The following OSBPL9 variants were observed in gnomAD, a reference collection of about 807,000 sequenced individuals.
OSBPL9 encodes the protein oxysterol-binding protein-related protein 9.
Under a neutral mutation model 106.6 loss-of-function variants are expected in OSBPL9, and 40 were observed. That is an observed-to-expected ratio of 0.38 (90% CI 0.29 to 0.49). The LOEUF is 0.49. Ranked by LOEUF, OSBPL9 falls within the 20% of genes least tolerant of loss-of-function variation. OSBPL9 has a pLI of 0.97. For missense variants in OSBPL9, 609 were observed against 887.2 expected (o/e 0.69, Z 3.98); for synonymous variants, 269 against 295.4 (o/e 0.91, Z 0.92).
chr1:51,753,510 G>C (rs1669701497), intron 8 of OSBPL9, among the ~76,000 whole-genome samples: 1 of 152,164 alleles, frequency 6.6e-6, no homozygotes, highest in South Asian at 2.1e-4. Context: ...ATTGAGTACT[G>C]ATGGAAATAT....
intron 4 of OSBPL9, among the ~76,000 whole-genome samples, chr1:51,725,859 C>T (rs1232385268): frequency 1.3e-5 from 2 of 152,110 alleles, no homozygotes; most frequent in African/African-American, 2.4e-5. Flanking sequence ...TTATATCTTT[C>T]AGACTTGTCT....
At chr1:51,611,844 G>A (rs1348784894) in intron 2 of OSBPL9, among the ~76,000 whole-genome samples, 5 of 152,070 alleles carry the variant, frequency 3.3e-5, no homozygotes, top group Admixed American at 1.3e-4. Flanking sequence ...GCGTGGTGGC[G>A]GGCGCCTGTA....
the OSBPL9 span, among the ~76,000 whole-genome samples, chr1:51,540,292 G>C: frequency 1.3e-5 from 2 of 151,838 alleles, no homozygotes; most frequent in African/African-American, 4.8e-5. Flanking sequence ...CCCTACTCCT[G>C]CCAAGATCAT....
intron 3 of OSBPL9, among the ~76,000 whole-genome samples, chr1:51,698,066 G>A (rs1335920221): frequency 2.6e-5 from 4 of 152,058 alleles, no homozygotes; most frequent in Admixed American, 1.3e-4. Flanking sequence ...TAAGGCCGAG[G>A]TACTGTTACC....
intron 1 of OSBPL9, among the ~76,000 whole-genome samples, chr1:51,629,822 G>A (rs535118249): frequency 2.6e-5 from 4 of 152,058 alleles, no homozygotes; most frequent in South Asian, 2.1e-4. Flanking sequence ...GGTGGTGTGC[G>A]CCTGTAGTCC....
upstream of OSBPL9, among the ~76,000 whole-genome samples, chr1:51,615,533 C>T (rs1044330707): frequency 1.3e-5 from 2 of 152,154 alleles, no homozygotes; most frequent in African/African-American, 4.8e-5. Context: ...TGCTGCTATT[C>T]TCTCTTTTCT....
intron 3 of OSBPL9, among the ~76,000 whole-genome samples, chr1:51,675,618 T>C (rs1166016055): frequency 6.6e-6 from 1 of 152,126 alleles, no homozygotes; most frequent in Non-Finnish European, 1.5e-5. Context: ...GCTAACAGGC[T>C]CAGAGGAATG....
intron 2 of OSBPL9, among the ~76,000 whole-genome samples, chr1:51,668,719 C>T (rs1326798569): frequency 5.3e-5 from 8 of 152,138 alleles, no homozygotes; most frequent in Non-Finnish European, 1.2e-4. Flanking sequence ...ATTCAGTTCC[C>T]CATTGTGTGT....
chr1:51,768,404 G>T (rs938224253), intron 12 of OSBPL9, among the ~76,000 whole-genome samples: 19 of 151,364 alleles, frequency 1.3e-4, no homozygotes, highest in Admixed American at 1.2e-3. Context: ...AGTAGAGGAG[G>T]GGTTTTGCCA....
chr1:51,660,899 C>G (rs1030895408), intron 2 of OSBPL9, among the ~76,000 whole-genome samples: 1 of 152,208 alleles, frequency 6.6e-6, no homozygotes, highest in African/African-American at 2.4e-5. Context: ...TTTACTGTCA[C>G]CATGTCCTGT....
In OSBPL9 at chr1:51,619,812, A is replaced by G. The variant is rs115001813; in HGVS notation, c.111+2591A>G. 5.7e-3 allele frequency among the ~76,000 whole-genome samples: 871 copies of G among 152,364 alleles called. 2 individuals are homozygous for G. The highest frequency in any genetic ancestry group is 0.02 in the African/African-American group (826 of 41,586). On this transcript the variant is annotated intron_variant, in intron 1 of 23. Transcript: ENST00000428468. ...CGGATTCTGAAGGATTTGAAGGTACATATTAATGATTTGCATGTGGCTAAT... is the reference window on the plus strand; with the variant it reads ...CGGATTCTGAAGGATTTGAAGGTACGTATTAATGATTTGCATGTGGCTAAT...
chr1:51,595,300 G>A (rs553892204), intron 1 of OSBPL9, among the ~76,000 whole-genome samples: 3 of 152,160 alleles, frequency 2.0e-5, no homozygotes, highest in East Asian at 1.9e-4. Context: ...GGTTGAAGTC[G>A]CTCTCACTTG....
At chr1:51,683,145 G>A (rs929343354) in intron 3 of OSBPL9, among the ~76,000 whole-genome samples, 5 of 151,144 alleles carry the variant, frequency 3.3e-5, no homozygotes, top group African/African-American at 9.7e-5. Flanking sequence ...AAAGTGCTGG[G>A]ACTACAGGCG....
chr1:51,716,226 T>C (rs2148898708), intron 4 of OSBPL9, among the ~76,000 whole-genome samples: 1 of 152,332 alleles, frequency 6.6e-6, no homozygotes, highest in East Asian at 1.9e-4. Context: ...CATTTAGAAA[T>C]ATGGAATTAA....
At chr1:51,650,596 A>C (rs1646454675) in intron 1 of OSBPL9, among the ~76,000 whole-genome samples, 1 of 152,166 alleles carries the variant, frequency 6.6e-6, no homozygotes, top group African/African-American at 2.4e-5. Context: ...TCTGTTTAGT[A>C]TCTCGGTAAT....
intron 1 of OSBPL9, chr1:51,583,759 G>A (rs1346680231): frequency 6.6e-6 from 1 of 152,170 alleles, no homozygotes; most frequent in Non-Finnish European, 1.5e-5. Flanking sequence ...GTGGGTCTGA[G>A]CCAGCTGCGA....
At chr1:51,567,160 A>G in the OSBPL9 span, 1 of 152,228 alleles carries the variant, frequency 6.6e-6, no homozygotes, top group South Asian at 2.1e-4. Flanking sequence ...AGTGCAGCTC[A>G]GGAGAACTCT....
At chr1:51,551,159 G>C in the OSBPL9 span, among the ~76,000 whole-genome samples, 2 of 152,142 alleles carry the variant, frequency 1.3e-5, no homozygotes, top group African/African-American at 4.8e-5. Context: ...AAGTTATTTT[G>C]CTCCCCAAAT....
At chr1:51,574,433 T>A (rs1388571631), upstream of OSBPL9, among the ~76,000 whole-genome samples, 1 of 151,548 alleles carries the variant, frequency 6.6e-6, no homozygotes, top group South Asian at 2.1e-4. Context: ...GCCTGGCCAA[T>A]ATGGTGAAAC....
Sources: allele counts gnomAD v4.1 joint callset (sites outside exome capture counted in the v4.1 genomes callset), GRCh38; gene constraint gnomAD v4.1.1; transcripts MANE v1.5; gene names NCBI Gene and HGNC (gene_info 2026-07-23, HGNC 2026-07-21).